Variants in ABRACL observed in about 807,000 individuals in gnomAD.
ABRACL encodes the protein ABRA C-terminal like, also known as costars family protein ABRACL.
In ABRACL, 4 loss-of-function variants were observed where a neutral mutation model predicts 7.0. That is an observed-to-expected ratio of 0.57 (90% CI 0.28 to 1.30). The LOEUF (loss-of-function observed/expected upper bound fraction) is 1.30. ABRACL is among the 50% of genes most tolerant of loss of function. The pLI is 0.10. For missense variants in ABRACL, 104 were observed against 97.3 expected (o/e 1.07, Z -0.29); for synonymous variants, 30 against 36.0 (o/e 0.83, Z 0.60).
At chr6:139,034,349 C>T (rs1200673188) in intron 2 of ABRACL, 128 bp downstream of exon 2, 1 of 1,579,576 alleles carries the variant, frequency 6.3e-7, no homozygotes, top group Non-Finnish European at 8.6e-7. Context: ...GCTCTGCCCA[C>T]AGCCCCAGGT....
In ABRACL at chr6:139,037,503, C is replaced by T. The variant is rs149187135; in HGVS notation, c.61+3282C>T. ...CTCGAACTTCTGGCCTCAAGTCATC[C>T]GCCTGCCTCAGCCTCCCAAAGTGTC... On this transcript the variant is annotated intron_variant, in intron 2 of 2. Coordinates refer to ENST00000367660, the MANE Select transcript of ABRACL (RefSeq NM_021243.3). Among the ~76,000 whole-genome samples the T allele has an allele frequency of 8.1e-4, 124 of 152,216 alleles. 1 individual carries two copies. The highest frequency in any genetic ancestry group is 2.8e-3 in the African/African-American group (118 of 41,540).
In ABRACL at chr6:139,042,994, G is replaced by A; in HGVS notation, c.*91G>A. The A allele has an allele frequency of 1.3e-5, 15 of 1,116,590 alleles. No homozygotes were observed. In the South Asian group the frequency reaches 2.8e-4, roughly 21 times the overall value. 69.2% of individuals were successfully genotyped at this position (1,116,590 alleles called of 1,614,324 possible). A position where few individuals can be genotyped will look rare whatever the true frequency, so the allele number is the denominator to read the frequency against. On this transcript the variant is annotated 3_prime_UTR_variant, in exon 3 of 3. Coordinates refer to ENST00000367660, the MANE Select transcript of ABRACL (RefSeq NM_021243.3). ...GAACAAACATTTGAACATACTTAAT[G>A]TATTTTTATAGAACTTTGTAAACGA...
At position 139,034,897 on chromosome 6, in the gene ABRACL, C is replaced by T. The variant is rs182811975; in HGVS notation, c.61+676C>T. On this transcript the variant is annotated intron_variant, in intron 2 of 2. Coordinates refer to ENST00000367660, the MANE Select transcript of ABRACL (RefSeq NM_021243.3). ...GTAATGAAAATTACTATTATACTTG[C>T]GGCTTTAGGTATTTGGTACATCTCA... 5.2e-3 allele frequency among the ~76,000 whole-genome samples: 797 copies of T among 152,124 alleles called. 8 individuals are homozygous for T. The highest frequency in any genetic ancestry group is 0.018 in the African/African-American group (757 of 41,468).
chr6:139,038,662 T>A (rs1786200431), intron 2 of ABRACL, among the ~76,000 whole-genome samples: 1 of 152,176 alleles, frequency 6.6e-6, no homozygotes, highest in African/African-American at 2.4e-5. Flanking sequence ...CCCTTTGTGC[T>A]CAAGTGCTGG....
intron 1 of ABRACL, among the ~76,000 whole-genome samples, chr6:139,031,952 GT>G (rs1786087228): frequency 8.1e-6 from 1 of 123,470 alleles, no homozygotes; most frequent in African/African-American, 3.1e-5. Context: ...GCTATTAATA[GT>G]TTTTTCCCAC....
intron 1 of ABRACL, among the ~76,000 whole-genome samples, chr6:139,033,001 C>A (rs9495317): frequency 1.5e-4 from 23 of 152,176 alleles, no homozygotes; most frequent in South Asian, 4.1e-4. Flanking sequence ...GAGGGGCACC[C>A]GGTGCTATGG....
intron 2 of ABRACL, among the ~76,000 whole-genome samples, chr6:139,041,320 AC>A (rs1786239932): frequency 6.6e-6 from 1 of 150,452 alleles, no homozygotes; most frequent in African/African-American, 2.4e-5. Context: ...GCTAGAGTGC[AC>A]TAGCACGATC....
intron 2 of ABRACL, among the ~76,000 whole-genome samples, chr6:139,035,568 C>T (rs1474037704): frequency 6.6e-6 from 1 of 151,966 alleles, no homozygotes; most frequent in Non-Finnish European, 1.5e-5. Flanking sequence ...CTGCAACCTC[C>T]GCCTCCCGGG....
chr6:139,035,279 G>T (rs986545586), intron 2 of ABRACL, among the ~76,000 whole-genome samples: 3 of 152,148 alleles, frequency 2.0e-5, no homozygotes, highest in African/African-American at 7.2e-5. Flanking sequence ...AGTTCTGTAG[G>T]TCAGGAGTTT....
intron 2 of ABRACL, among the ~76,000 whole-genome samples, chr6:139,041,301 G>T (rs1275341508): frequency 6.7e-6 from 1 of 148,928 alleles, no homozygotes; most frequent in African/African-American, 2.5e-5. Flanking sequence ...TCTCAACTCT[G>T]CTGCCCAGGC....
At position 139,042,824 on chromosome 6, in the gene ABRACL, G is replaced by A. The variant is rs1786272819; in HGVS notation, c.167G>A (p.Arg56Lys). The change falls in exon 3 of 3, where the codon AGG (arginine) becomes AAG (lysine). Residue 56 changes from arginine (R) to lysine (K), a missense_variant. Physicochemically the swap from Arg to Lys is conservative, Grantham distance 26. Coordinates refer to ENST00000367660, the MANE Select transcript of ABRACL (RefSeq NM_021243.3). ...LVGTLKAAKR[R>K]KIVTYPGELL... is the part of the protein sequence containing the mutation. Reference sequence around the variant, plus strand: ...GGAACTCTTAAAGCTGCAAAACGAAGGAAGATTGTAACATATCCAGGAGAG... The same window carrying A: ...GGAACTCTTAAAGCTGCAAAACGAAAGAAGATTGTAACATATCCAGGAGAG... 1 of 1,613,934 alleles carries A rather than the reference G, an allele frequency of 6.2e-7. No individual in the cohort carries two copies. Among genetic ancestry groups the A allele is most frequent in the Non-Finnish European group, 8.5e-7 (1 of 1,179,978 alleles).
At position 139,042,793 on chromosome 6, in the gene ABRACL, T is replaced by C. The variant is rs747243213; in HGVS notation, c.136T>C (p.Leu46=). 2.5e-6 allele frequency: 4 copies of C among 1,614,052 alleles called. No individual in the cohort carries two copies. In the East Asian group the frequency reaches 8.9e-5, roughly 36 times the overall value. ...DDKCANLFEA[L]VGTLKAAKRR... is the part of the protein sequence containing the mutation. ...TAAATGTGCCAACCTCTTTGAAGCA[T>C]TGGTAGGAACTCTTAAAGCTGCAAA... The change falls in exon 3 of 3, where the codon TTG becomes CTG. Residue 46 remains leucine (L), a synonymous_variant. Coordinates refer to ENST00000367660, the MANE Select transcript of ABRACL (RefSeq NM_021243.3).
At chr6:139,032,110 G>A (rs1786091163) in intron 1 of ABRACL, among the ~76,000 whole-genome samples, 1 of 152,078 alleles carries the variant, frequency 6.6e-6, no homozygotes, top group African/African-American at 2.4e-5. Flanking sequence ...ACAGGCGCCC[G>A]CCACCACGCC....
rs747243213 is a variant in ABRACL at position 139,042,793 on chromosome 6, T to G, written c.136T>G (p.Leu46Val). 1.2e-6 allele frequency: 2 copies of G among 1,614,052 alleles called. No individual in the cohort carries two copies. Among genetic ancestry groups the G allele is most frequent in the Non-Finnish European group, 1.7e-6 (2 of 1,179,972 alleles). ...TAAATGTGCCAACCTCTTTGAAGCA[T>G]TGGTAGGAACTCTTAAAGCTGCAAA... ...DDKCANLFEA[L>V]VGTLKAAKRR... The change falls in exon 3 of 3, where the codon TTG (leucine) becomes GTG (valine). Residue 46 changes from leucine (L) to valine (V), a missense_variant. Coordinates refer to ENST00000367660, the MANE Select transcript of ABRACL (RefSeq NM_021243.3).
intron 2 of ABRACL, chr6:139,034,426 T>G: frequency 6.6e-7 from 1 of 1,522,816 alleles, no homozygotes; most frequent in Non-Finnish European, 8.8e-7. Context: ...GTGATTCTGA[T>G]GCAGGGAATA....
intron 2 of ABRACL, among the ~76,000 whole-genome samples, chr6:139,041,338 C>T (rs956224794): frequency 3.3e-5 from 5 of 150,728 alleles, no homozygotes; most frequent in Non-Finnish European, 5.9e-5. Context: ...GATCATGGCT[C>T]ACTGCAGCCT....
chr6:139,041,862 A>T (rs1226175083), intron 2 of ABRACL, among the ~76,000 whole-genome samples: 1 of 152,104 alleles, frequency 6.6e-6, no homozygotes, highest in Non-Finnish European at 1.5e-5. Context: ...CTGCGCTCAC[A>T]GTAGGAGTTT....
chr6:139,035,593 C>T (rs1786141656), intron 2 of ABRACL, among the ~76,000 whole-genome samples: 1 of 152,064 alleles, frequency 6.6e-6, no homozygotes, highest in South Asian at 2.1e-4. Context: ...AGCGATTCTC[C>T]TGCCTCAGCC....
At position 139,036,699 on chromosome 6, in the gene ABRACL, A is replaced by G. The variant is rs79291380; in HGVS notation, c.61+2478A>G. Among the ~76,000 whole-genome samples the G allele has an allele frequency of 9.6e-3, 1,462 of 152,276 alleles. 22 individuals carry two copies. The highest frequency in any genetic ancestry group is 0.034 in the African/African-American group (1,394 of 41,552). The stretch of plus-strand genomic sequence containing the variant: ...AGTTGATGAAAACAGATAAAATCTC[A>G]TAGTCCAGGTGCCATGGCTCAGGCC... On this transcript the variant is annotated intron_variant, in intron 2 of 2. Coordinates refer to ENST00000367660, the MANE Select transcript of ABRACL (RefSeq NM_021243.3).
Sources: allele counts gnomAD v4.1 joint callset (sites outside exome capture counted in the v4.1 genomes callset), GRCh38; gene constraint gnomAD v4.1.1; transcripts MANE v1.5; gene names NCBI Gene and HGNC (gene_info 2026-07-23, HGNC 2026-07-21).